Variants in AUH observed in about 807,000 individuals in gnomAD.
The protein encoded by AUH is AU RNA binding methylglutaconyl-CoA hydratase.
In AUH, 29 loss-of-function variants were observed where a neutral mutation model predicts 42.3. The ratio of observed to expected loss-of-function variants is 0.69; its 90% CI spans 0.51 to 0.93. The LOEUF is 0.93. Ranked by LOEUF, AUH falls within the 40% of genes least tolerant of loss-of-function variation. The probability of loss-of-function intolerance (pLI) is 0.00; values close to 1 mark genes in which losing one functional copy is unlikely to be tolerated. For missense variants in AUH, 452 were observed against 438.1 expected (o/e 1.03, Z -0.28); for synonymous variants, 174 against 166.4 (o/e 1.05, Z -0.35).
At chr9:91,297,152 G>A (rs767996774) in intron 5 of AUH, among the ~76,000 whole-genome samples, 2 of 152,184 alleles carry the variant, frequency 1.3e-5, no homozygotes, top group Non-Finnish European at 2.9e-5. Flanking sequence ...CAGGTGTGTG[G>A]GCTGTGGCCA....
At position 91,216,054 on chromosome 9, in the gene AUH, C is replaced by CA. The variant is rs1554688047; in HGVS notation, c.942+4dup. ...CCTCATTGAATTTGTGATTGCATTA[C>CA]ATACCTGAGCATAACAAGCTTCTTC... On this transcript the variant is annotated splice_donor_region_variant and intron_variant, in intron 9 of 9. Coordinates refer to ENST00000375731, the MANE Select transcript of AUH (RefSeq NM_001698.3). 6.2e-7 allele frequency: 1 copy of CA among 1,608,662 alleles called. No homozygotes were observed. Among genetic ancestry groups the CA allele is most frequent in the Non-Finnish European group, 8.5e-7 (1 of 1,175,330 alleles).
chr9:91,322,400 G>A (rs992597307), intron 4 of AUH, among the ~76,000 whole-genome samples: 6 of 152,188 alleles, frequency 3.9e-5, no homozygotes, highest in African/African-American at 9.7e-5. Context: ...TTCATGCTCT[G>A]TGTCAGAAGG....
At chr9:91,262,214 T>C (rs1325829855) in intron 6 of AUH, among the ~76,000 whole-genome samples, 1 of 152,242 alleles carries the variant, frequency 6.6e-6, no homozygotes, top group African/African-American at 2.4e-5. Flanking sequence ...GAGTAGTTTA[T>C]ACATCCATTA....
At chr9:91,244,820 T>C (rs1828707630) in intron 6 of AUH, among the ~76,000 whole-genome samples, 1 of 152,136 alleles carries the variant, frequency 6.6e-6, no homozygotes, top group African/African-American at 2.4e-5. Flanking sequence ...CTGTACAAAA[T>C]ATGGTTTATG....
chr9:91,231,006 T>C (rs952516403), intron 6 of AUH, among the ~76,000 whole-genome samples: 1 of 152,224 alleles, frequency 6.6e-6, no homozygotes, highest in Non-Finnish European at 1.5e-5. Context: ...GCTGTCTTTT[T>C]GTCTGTGCCC....
chr9:91,225,471 T>C (rs2131248332), intron 6 of AUH, among the ~76,000 whole-genome samples: 1 of 152,350 alleles, frequency 6.6e-6, no homozygotes, highest in Non-Finnish European at 1.5e-5. Context: ...CTTGCTTCAT[T>C]AGATTAGATG....
chr9:91,302,271 C>T (rs1827845822), intron 4 of AUH, among the ~76,000 whole-genome samples: 1 of 151,930 alleles, frequency 6.6e-6, no homozygotes, highest in Non-Finnish European at 1.5e-5. Flanking sequence ...AGTTGGCGAC[C>T]AGCCTGGCCA....
intron 6 of AUH, among the ~76,000 whole-genome samples, chr9:91,288,832 CT>C (rs1826630681): frequency 6.6e-6 from 1 of 152,104 alleles, no homozygotes; most frequent in African/African-American, 2.4e-5. Flanking sequence ...AAATTAAAAA[CT>C]ACATGATAGC....
chr9:91,228,267 G>C (rs371393203), intron 6 of AUH, among the ~76,000 whole-genome samples: 33 of 152,216 alleles, frequency 2.2e-4, no homozygotes, highest in East Asian at 9.6e-4. Context: ...CAACTTCTTC[G>C]TGGTTTAGTC....
intron 6 of AUH, among the ~76,000 whole-genome samples, chr9:91,255,406 A>G (rs183110990): frequency 6.6e-6 from 1 of 152,350 alleles, no homozygotes; most frequent in East Asian, 1.9e-4. Context: ...GACATCAAGT[A>G]TTTCATCTAG....
At chr9:91,328,467 C>T (rs1303472493) in intron 3 of AUH, among the ~76,000 whole-genome samples, 1 of 152,162 alleles carries the variant, frequency 6.6e-6, no homozygotes, top group Non-Finnish European at 1.5e-5. Context: ...CCTCTGCTTT[C>T]CTCCCAAAAC....
chr9:91,261,675 C>T (rs1829715217), intron 6 of AUH, among the ~76,000 whole-genome samples: 1 of 152,204 alleles, frequency 6.6e-6, no homozygotes, highest in Admixed American at 6.5e-5. Flanking sequence ...TCCTAGGTTC[C>T]TCTTTCTTTC....
In AUH at chr9:91,216,858, C is replaced by T. The variant is rs141994449; in HGVS notation, c.894+419G>A. On this transcript the variant is annotated intron_variant, in intron 8 of 9. Coordinates refer to ENST00000375731, the MANE Select transcript of AUH (RefSeq NM_001698.3). ...CCTTATACCTGCATTGCGTGTGCCT[C>T]CTTGTAGAAGGCACACTGAGAAGCT... 3.7e-3 allele frequency among the ~76,000 whole-genome samples: 562 copies of T among 152,304 alleles called. 2 individuals carry two copies. Among genetic ancestry groups the T allele is most frequent in the Non-Finnish European group, 6.2e-3 (421 of 68,026 alleles).
intron 6 of AUH, among the ~76,000 whole-genome samples, chr9:91,284,795 A>G (rs1247911158): frequency 1.3e-5 from 2 of 152,186 alleles, no homozygotes; most frequent in Non-Finnish European, 2.9e-5. Context: ...GTGATTATTA[A>G]AAAGTCGGGA....
At chr9:91,292,211 A>C (rs1826957757) in intron 6 of AUH, among the ~76,000 whole-genome samples, 1 of 151,732 alleles carries the variant, frequency 6.6e-6, no homozygotes, top group Admixed American at 6.6e-5. Flanking sequence ...CTACCCACTA[A>C]CCGCAACTTT....
chr9:91,336,490 C>T lies in AUH; in HGVS notation c.419-11086G>A, dbSNP rs138617604. ...ACTAAAAACACAAAAATAAGCTGGG[C>T]GTGATGGTGCACACCTGTAAACCTA... is the stretch of plus-strand genomic sequence containing the variant. On this transcript the variant is annotated intron_variant, in intron 3 of 9. Transcript: ENST00000375731. 8.4e-4 allele frequency among the ~76,000 whole-genome samples: 127 copies of T among 151,874 alleles called. 1 individual carries two copies. The highest frequency in any genetic ancestry group is 2.7e-3 in the African/African-American group (111 of 41,430).
chr9:91,237,344 C>T (rs1284013461), intron 6 of AUH, among the ~76,000 whole-genome samples: 3 of 152,146 alleles, frequency 2.0e-5, no homozygotes, highest in African/African-American at 4.8e-5. Context: ...GAATTTCTTT[C>T]GTTGGTACTC....
At chr9:91,218,662 G>A (rs1009422192) in intron 7 of AUH, 1 of 985,338 alleles carries the variant, frequency 1.0e-6, no homozygotes, top group Non-Finnish European at 1.2e-6. Context: ...AATAGTGCTT[G>A]ATTTAATTTG....
intron 6 of AUH, among the ~76,000 whole-genome samples, chr9:91,263,850 C>T (rs1037397428): frequency 4.6e-5 from 7 of 152,172 alleles, no homozygotes; most frequent in Admixed American, 6.5e-5. Flanking sequence ...CACTAATCTT[C>T]AACTGCCTCT....
Sources: gnomAD v4.1 joint callset for allele counts (sites outside exome capture counted in the v4.1 genomes callset) on GRCh38, gnomAD v4.1.1 for gene constraint, MANE v1.5 for transcripts, NCBI Gene and HGNC (gene_info 2026-07-23, HGNC 2026-07-21) for gene names.